Variants in SLAMF6 observed in about 807,000 individuals in gnomAD.
The protein encoded by SLAMF6 is SLAM family member 6, also known as NK-T-B-antigen.
SLAMF6 carries 21 observed loss-of-function variants against 38.3 expected under a neutral mutation model. The observed-to-expected ratio is 0.55, with a 90% CI of 0.39 to 0.79. The LOEUF is 0.79. Ranked by LOEUF, SLAMF6 falls within the 30% of genes least tolerant of loss-of-function variation. The pLI is 0.00. For missense variants in SLAMF6, 341 were observed against 385.3 expected (o/e 0.89, Z 0.96); for synonymous variants, 152 against 146.3 (o/e 1.04, Z -0.28).
intron 1 of SLAMF6, among the ~76,000 whole-genome samples, chr1:160,509,532 A>T (rs539124648): frequency 2.6e-4 from 39 of 152,322 alleles, no homozygotes; most frequent in African/African-American, 9.1e-4. Flanking sequence ...GAGGGATAGC[A>T]TTAAGAGAAA....
intron 1 of SLAMF6, among the ~76,000 whole-genome samples, chr1:160,505,825 G>A (rs1202181574): frequency 6.6e-6 from 1 of 152,074 alleles, no homozygotes; most frequent in Non-Finnish European, 1.5e-5. Context: ...ATAACAAGGA[G>A]CCAAGTAGAG....
chr1:160,510,927 C>A (rs1226300532), intron 1 of SLAMF6, among the ~76,000 whole-genome samples: 1 of 152,098 alleles, frequency 6.6e-6, no homozygotes, highest in East Asian at 1.9e-4. Flanking sequence ...CAGTTCTGTT[C>A]CTACACACTA....
intron 2 of SLAMF6, 33 bp from the exon 3 acceptor site, chr1:160,491,421 G>A (rs773722749): frequency 1.9e-6 from 3 of 1,594,054 alleles, no homozygotes; most frequent in African/African-American, 2.7e-5. Flanking sequence ...TCCAGATTAA[G>A]GACAAATGTC....
intron 1 of SLAMF6, among the ~76,000 whole-genome samples, chr1:160,496,614 C>G (rs1055019601): frequency 2.0e-5 from 3 of 152,140 alleles, no homozygotes; most frequent in African/African-American, 7.2e-5. Flanking sequence ...TAGTAGGCAG[C>G]TAGTCTAGAT....
At chr1:160,487,648 G>A (rs1653037965) in intron 6 of SLAMF6, among the ~76,000 whole-genome samples, 1 of 152,104 alleles carries the variant, frequency 6.6e-6, no homozygotes, top group South Asian at 2.1e-4. Flanking sequence ...TCAAGCATGG[G>A]GAATTGGTAG....
At chr1:160,511,845 A>G (rs1654489288) in intron 1 of SLAMF6, among the ~76,000 whole-genome samples, 1 of 152,166 alleles carries the variant, frequency 6.6e-6, no homozygotes, top group Admixed American at 6.5e-5. Flanking sequence ...GGTGGTTGGC[A>G]TGACCCACAG....
At chr1:160,489,749 T>A (rs1379359022) in intron 5 of SLAMF6, among the ~76,000 whole-genome samples, 1 of 152,098 alleles carries the variant, frequency 6.6e-6, no homozygotes, top group Non-Finnish European at 1.5e-5. Context: ...CCAAAGCCAA[T>A]CTGAGTCCAG....
intron 6 of SLAMF6, among the ~76,000 whole-genome samples, chr1:160,488,360 A>G (rs2102012732): frequency 6.6e-6 from 1 of 152,298 alleles, no homozygotes; most frequent in East Asian, 1.9e-4. Flanking sequence ...AAGGGAATCC[A>G]AGATTTCTAG....
intron 5 of SLAMF6, 79 bp downstream of exon 5, chr1:160,490,119 C>T (rs12119876): frequency 6.8e-7 from 1 of 1,481,426 alleles, no homozygotes; most frequent in Non-Finnish European, 9.4e-7. Flanking sequence ...ATTATCCAGC[C>T]CTCTGCCATC....
intron 6 of SLAMF6, among the ~76,000 whole-genome samples, chr1:160,488,479 G>T (rs1279744043): frequency 6.6e-6 from 1 of 152,174 alleles, no homozygotes; most frequent in African/African-American, 2.4e-5. Flanking sequence ...GCCACCTGCA[G>T]GTCCTTTATT....
chr1:160,500,519 A>G (rs1653827771), intron 1 of SLAMF6, among the ~76,000 whole-genome samples: 1 of 152,016 alleles, frequency 6.6e-6, no homozygotes, highest in African/African-American at 2.4e-5. Context: ...AAGAAGTGTG[A>G]CCACTCTTTT....
At chr1:160,521,663 C>A in intron 1 of SLAMF6, among the ~76,000 whole-genome samples, 1 of 152,154 alleles carries the variant, frequency 6.6e-6, no homozygotes, top group East Asian at 1.9e-4. Flanking sequence ...AAGTCTCTAG[C>A]CTCAGCTCTA....
chr1:160,500,121 A>G (rs755498881), intron 1 of SLAMF6, among the ~76,000 whole-genome samples: 13 of 152,220 alleles, frequency 8.5e-5, no homozygotes, highest in Non-Finnish European at 1.9e-4. Context: ...GAATACTGAT[A>G]ATGTCCTATC....
rs1652980135 is a variant in SLAMF6 at position 160,486,709 on chromosome 1, A to T, written c.997T>A (p.Ter333LysextTer18). ...TTCCTCTGAGGCCTTTCAGCAACTT[A>T]CACGACATTGTCAAGGGCAGTTGCC... is the stretch of plus-strand genomic sequence containing the variant. Reference protein sequence around the residue: ...SRATALDNVV* With the variant: ...SRATALDNVVK Residue 333 changes from the stop codon to lysine (K), a stop_lost, in exon 8 of 8, where the codon TAA (stop) becomes AAA (lysine). Transcript: ENST00000368057. 1.9e-6 allele frequency: 3 copies of T among 1,613,794 alleles called. No individual in the cohort carries two copies. Among genetic ancestry groups the T allele is most frequent in the Non-Finnish European group, 2.5e-6 (3 of 1,179,776 alleles).
Position 160,490,692 on chromosome 1 carries a change from A to G in SLAMF6, c.647-7T>C. 6.2e-7 allele frequency: 1 copy of G among 1,611,076 alleles called. No individual in the cohort carries two copies. Among genetic ancestry groups the G allele is most frequent in the Non-Finnish European group, 8.5e-7 (1 of 1,179,160 alleles). On this transcript the variant is annotated splice_polypyrimidine_tract_variant and splice_region_variant and intron_variant, in intron 3 of 7. Coordinates refer to ENST00000368057, the MANE Select transcript of SLAMF6 (RefSeq NM_001184714.2). The stretch of plus-strand genomic sequence containing the variant: ...GTATATTGAATTTTAACATCTGAAA[A>G]GAGAAAAAAGAAATGACATTTGAGA...
rs771657043 is a variant in SLAMF6, at chr1:160,486,734, C to T, written c.972G>A (p.Arg324=). ...ACACGACATTGTCAAGGGCAGTTGCCCTGGAAAAAGTGGGTTTACTCTGTG... is the reference window on the plus strand; with the variant it reads ...ACACGACATTGTCAAGGGCAGTTGCTCTGGAAAAAGTGGGTTTACTCTGTG... ...HSKESKPTFS[R]ATALDNVV Residue 324 remains arginine, a synonymous_variant, in exon 8 of 8, where the codon AGG becomes AGA. Transcript: ENST00000368057. 3 of 1,613,580 alleles carry T rather than the reference C, an allele frequency of 1.9e-6. No individual in the cohort carries two copies. In the African/African-American group the frequency reaches 4.0e-5, roughly 22 times the overall value.
chr1:160,515,571 C>T (rs1654699486), intron 1 of SLAMF6, among the ~76,000 whole-genome samples: 1 of 152,084 alleles, frequency 6.6e-6, no homozygotes, highest in Non-Finnish European at 1.5e-5. Flanking sequence ...AGCTTCAGGC[C>T]AATATCCTGA....
chr1:160,490,490 C>T, intron 4 of SLAMF6, 85 bp downstream of exon 4: 2 of 1,547,896 alleles, frequency 1.3e-6, no homozygotes, highest in Non-Finnish European at 1.7e-6. Context: ...CTGTCTTCCA[C>T]AAGAGATCCT....
intron 1 of SLAMF6, among the ~76,000 whole-genome samples, chr1:160,505,589 G>C (rs534234944): frequency 4.6e-5 from 7 of 152,162 alleles, no homozygotes; most frequent in Admixed American, 3.9e-4. Flanking sequence ...ATTTTGTAGA[G>C]ATGCAGTTTC....
Sources: allele counts gnomAD v4.1 joint callset (sites outside exome capture counted in the v4.1 genomes callset), GRCh38; gene constraint gnomAD v4.1.1; transcripts MANE v1.5; gene names NCBI Gene and HGNC (gene_info 2026-07-23, HGNC 2026-07-21).